The following SYNE1 variants were observed in gnomAD, a reference collection of about 807,000 sequenced individuals.
SYNE1 encodes the protein nesprin-1.
Under a neutral mutation model 1,111.0 loss-of-function variants are expected in SYNE1, and 616 were observed. The observed-to-expected ratio is 0.55, with a 90% CI of 0.52 to 0.59. The LOEUF is 0.59. SYNE1 is among the 20% of genes least tolerant of loss of function. The pLI is 0.00. For synonymous variants in SYNE1, 3,855 were observed against 3,825.8 expected (o/e 1.01, Z -0.28); for missense variants, 10,006 against 10,417.0 (o/e 0.96, Z 1.72).
intron 4 of SYNE1, among the ~76,000 whole-genome samples, chr6:152,534,166 A>G (rs12528602): frequency 0.022 from 3,225 of 146,594 alleles, 102 homozygotes; most frequent in African/African-American, 0.077. Flanking sequence ...TCAAAAAAAT[A>G]AATAAATGAA....
At chr6:152,300,514 A>G in intron 93 of SYNE1, 127 bp downstream of exon 93, 1 of 1,308,546 alleles carries the variant, frequency 7.6e-7, no homozygotes, top group South Asian at 1.2e-5. Flanking sequence ...TATAACACCT[A>G]ATAGTGTGTC....
intron 137 of SYNE1, chr6:152,144,186 T>A: frequency 3.5e-6 from 1 of 287,034 alleles, no homozygotes; most frequent in South Asian, 3.6e-5. Flanking sequence ...CAGGGGAAGA[T>A]CCTCCCTCTG....
chr6:152,214,931 A>G lies in SYNE1; in HGVS notation c.22321T>C (p.Ser7441Pro), dbSNP rs2067627881. Residue 7441 changes from serine to proline, a missense_variant, in exon 122 of 146, where the codon TCC (serine) becomes CCC (proline). By Grantham distance (74) the Ser-to-Pro change is moderately conservative (BLOSUM62 -1). Transcript: ENST00000367255. ...QNLNRHWSLISSQTTERFSKL... is the reference protein window; with the variant it reads ...QNLNRHWSLIPSQTTERFSKL... ...CTGAATCTTTCTGTAGTCTGAGAGG[A>G]GATCAGAGACCAATGGCGGTTCAGA... 1.9e-6 allele frequency: 3 copies of G among 1,614,042 alleles called. No individual in the cohort carries two copies. In the African/African-American group the frequency reaches 4.0e-5, roughly 22 times the overall value.
intron 91 of SYNE1, among the ~76,000 whole-genome samples, chr6:152,305,124 C>G (rs889312792): frequency 4.6e-5 from 7 of 152,178 alleles, no homozygotes; most frequent in Non-Finnish European, 7.3e-5. Context: ...AGAAGACAAG[C>G]AGCCCTCTGT....
rs760197138 is a variant in SYNE1 at position 152,293,950 on chromosome 6, G to A, written c.17850+10C>T. 6.2e-7 allele frequency: 1 copy of A among 1,614,072 alleles called. No homozygotes were observed. Among genetic ancestry groups the A allele is most frequent in the South Asian group, 1.1e-5 (1 of 91,058 alleles). Reference sequence around the variant, plus strand: ...TGGTGGGCATAAACTAGTCCACCTTGAAGACTTACCACATTCTTTAAGGTT... The same window carrying A: ...TGGTGGGCATAAACTAGTCCACCTTAAAGACTTACCACATTCTTTAAGGTT... On this transcript the variant is annotated intron_variant, in intron 94 of 145. Transcript: ENST00000367255.
chr6:152,415,203 A>G (rs888610878), intron 41 of SYNE1, among the ~76,000 whole-genome samples: 1 of 152,184 alleles, frequency 6.6e-6, no homozygotes. Context: ...AAAGAAGGCT[A>G]CAGTTTTAAG....
intron 14 of SYNE1, chr6:152,472,735 G>C: frequency 3.0e-6 from 2 of 656,804 alleles, no homozygotes. Flanking sequence ...AATGATTTTA[G>C]TATTTTTTGC....
chr6:152,319,822 G>T (rs2095828153), intron 84 of SYNE1: 1 of 152,104 alleles, frequency 6.6e-6, no homozygotes, highest in Non-Finnish European at 1.5e-5. Flanking sequence ...AATTAATCCA[G>T]AGAAAAGCTT....
At chr6:152,399,938 G>T in intron 47 of SYNE1, 115 bp from the exon 48 acceptor site, 1 of 1,185,098 alleles carries the variant, frequency 8.4e-7, no homozygotes, top group Non-Finnish European at 1.2e-6. Flanking sequence ...TCCACTCCAT[G>T]GTGTATACAT....
chr6:152,362,464 C>G, intron 63 of SYNE1, 141 bp from the exon 64 acceptor site: 1 of 1,122,200 alleles, frequency 8.9e-7, no homozygotes, highest in Non-Finnish European at 1.3e-6. Context: ...AGCAGGCTGC[C>G]CAGGGCTTAA....
chr6:152,124,561 G>A (rs1051699056), intron 145 of SYNE1, among the ~76,000 whole-genome samples: 6 of 152,072 alleles, frequency 3.9e-5, no homozygotes, highest in African/African-American at 7.2e-5. Context: ...ACTGTTCGAT[G>A]TTTTTGTCTT....
chr6:152,547,930 A>T (rs923268517), intron 3 of SYNE1, among the ~76,000 whole-genome samples: 4 of 152,152 alleles, frequency 2.6e-5, no homozygotes, highest in African/African-American at 9.7e-5. Flanking sequence ...GTGTTAATTG[A>T]CTGTGGTAAT....
At chr6:152,164,130 G>A in intron 131 of SYNE1, 33 bp downstream of exon 131, 1 of 1,613,376 alleles carries the variant, frequency 6.2e-7, no homozygotes, top group Non-Finnish European at 8.5e-7. Flanking sequence ...ATATTCCATG[G>A]CTTATTAATT....
At chr6:152,599,859 G>T (rs2099591965) in intron 3 of SYNE1, among the ~76,000 whole-genome samples, 1 of 152,180 alleles carries the variant, frequency 6.6e-6, no homozygotes, top group Non-Finnish European at 1.5e-5. Flanking sequence ...CTAACAAGGT[G>T]CTACAAGTCA....
At chr6:152,248,775 A>C (rs913840160) in intron 105 of SYNE1, among the ~76,000 whole-genome samples, 1 of 152,014 alleles carries the variant, frequency 6.6e-6, no homozygotes. Flanking sequence ...TCCCTCTACA[A>C]AGCTTCCCTA....
intron 132 of SYNE1, chr6:152,155,435 C>T (rs917468474): frequency 1.6e-5 from 5 of 313,118 alleles, no homozygotes; most frequent in South Asian, 3.1e-5. Context: ...ACATTCAACT[C>T]ACACTGACAA....
chr6:152,504,874 T>C (rs913194112), intron 9 of SYNE1, among the ~76,000 whole-genome samples: 7 of 152,226 alleles, frequency 4.6e-5, no homozygotes, highest in African/African-American at 9.6e-5. Context: ...TGAGATTATA[T>C]AGAGTAATTA....
At chr6:152,485,019 CA>C in intron 12 of SYNE1, 47 bp from the exon 13 acceptor site, 1 of 1,594,640 alleles carries the variant, frequency 6.3e-7, no homozygotes, top group Non-Finnish European at 8.5e-7. Context: ...TCAAAAAAAG[CA>C]AAAGCAAAGG....
At position 152,154,866 on chromosome 6, in the gene SYNE1, A is replaced by T. The variant is rs2152941635; in HGVS notation, c.24129+26T>A. On this transcript the variant is annotated intron_variant, in intron 133 of 145. Transcript: ENST00000367255. ...TGGCTACTTTAATAGCAAAATAAGG[A>T]TTAAAAATTTGGAATTATAGATTAC... 1.9e-6 allele frequency: 3 copies of T among 1,613,684 alleles called. No individual in the cohort carries two copies. In the East Asian group the frequency reaches 6.7e-5, roughly 36 times the overall value.
Sources: allele counts gnomAD v4.1 joint callset (sites outside exome capture counted in the v4.1 genomes callset), GRCh38; gene constraint gnomAD v4.1.1; transcripts MANE v1.5; gene names NCBI Gene and HGNC (gene_info 2026-07-23, HGNC 2026-07-21).